The following NRXN1 variants were observed in gnomAD, a reference collection of about 807,000 sequenced individuals.
NRXN1 encodes the protein neurexin-1.
In NRXN1, 39 loss-of-function variants were observed where a neutral mutation model predicts 150.9. That is an observed-to-expected ratio of 0.26 (90% CI 0.20 to 0.34). The LOEUF is 0.34. Among genes scored for constraint, NRXN1 ranks in the 10% least tolerant of loss-of-function variants. The probability of loss-of-function intolerance (pLI) is 1.00; values close to 1 mark genes in which losing one functional copy is unlikely to be tolerated. For missense variants in NRXN1, 1,815 were observed against 1,949.9 expected, an observed-to-expected ratio of 0.93 and a Z score of 1.30; for synonymous variants, 924 against 757.0, an observed-to-expected ratio of 1.22 and a Z score of -3.62.
chr2:50,972,743 G>A (rs953441497), intron 2 of NRXN1, among the ~76,000 whole-genome samples: 1 of 151,924 alleles, frequency 6.6e-6, no homozygotes, highest in African/African-American at 2.4e-5. Flanking sequence ...GTCATCACAG[G>A]GTTTGCGCTC....
chr2:50,053,447 T>C lies in NRXN1; in HGVS notation c.3952A>G (p.Ile1318Val), dbSNP rs1407260529. Residue 1318 changes from isoleucine (I) to valine (V), a missense_variant, in exon 21 of 23, where the codon ATC (isoleucine) becomes GTC (valine). This residue lies in a region of NRXN1 where 265 missense variants were observed against 307.1 expected (regional missense o/e 0.86). Transcript: ENST00000401669. ...AGTCTCACATTTCCCACTATGGCGA[T>C]GTTGGCATCGTTTTCGGCTGCCATA... The part of the protein sequence containing the change: ...LNMAAENDAN[I>V]AIVGNVRLVG... The C allele has an allele frequency of 5.6e-6, 9 of 1,614,082 alleles. No homozygotes were observed. The highest frequency in any genetic ancestry group is 1.6e-4 in the Middle Eastern group (1 of 6,062).
At chr2:50,674,979 C>A (rs1330278106) in intron 5 of NRXN1, among the ~76,000 whole-genome samples, 2 of 151,642 alleles carry the variant, frequency 1.3e-5, no homozygotes, top group Non-Finnish European at 2.9e-5. Flanking sequence ...GTCATGAGGG[C>A]AGATGATCCC....
intron 12 of NRXN1, among the ~76,000 whole-genome samples, chr2:50,518,247 T>C (rs2092684606): frequency 6.6e-5 from 10 of 152,072 alleles, no homozygotes; most frequent in African/African-American, 2.4e-5. Context: ...AAATCTAATC[T>C]AGCTCAACTG....
chr2:50,662,622 T>C (rs1687459955), intron 5 of NRXN1, among the ~76,000 whole-genome samples: 2 of 151,990 alleles, frequency 1.3e-5, no homozygotes, highest in African/African-American at 4.8e-5. Context: ...TTTTTTGTTG[T>C]TGTTAGTATA....
chr2:51,016,977 C>A (rs1437843000), intron 2 of NRXN1, among the ~76,000 whole-genome samples: 1 of 152,002 alleles, frequency 6.6e-6, no homozygotes, highest in African/African-American at 2.4e-5. Flanking sequence ...AGCTGGAAAC[C>A]ATTGTTCTCA....
chr2:50,604,983 C>A (rs780789363), intron 8 of NRXN1, among the ~76,000 whole-genome samples: 2 of 152,174 alleles, frequency 1.3e-5, no homozygotes, highest in African/African-American at 2.4e-5. Flanking sequence ...ATAACTAGCA[C>A]CATTACATAC....
chr2:50,620,218 A>C, intron 7 of NRXN1, 35 bp from the exon 8 acceptor site: 1 of 1,606,322 alleles, frequency 6.2e-7, no homozygotes, highest in Non-Finnish European at 8.5e-7. Flanking sequence ...GACACGCTAT[A>C]CTCAGACCTA....
intron 17 of NRXN1, among the ~76,000 whole-genome samples, chr2:50,452,879 T>G (rs543213273): frequency 6.6e-6 from 1 of 152,192 alleles, no homozygotes; most frequent in Non-Finnish European, 1.5e-5. Flanking sequence ...ACACTTGGAT[T>G]TGGTCATTCT....
In NRXN1 at chr2:51,027,777, G is replaced by A. The variant is rs752469666; in HGVS notation, c.497C>T (p.Ala166Val). ...GGLPPELRAA[A>V]LKLTLASVRE... Reference sequence around the variant, plus strand: ...CACCGAGGCCAGGGTGAGCTTGAGCGCCGCGGCGCGCAGTTCCGGGGGCAG... The same window carrying A: ...CACCGAGGCCAGGGTGAGCTTGAGCACCGCGGCGCGCAGTTCCGGGGGCAG... The change falls in exon 2 of 23, where the codon GCG (alanine) becomes GTG (valine). Residue 166 changes from alanine to valine, a missense_variant. Physicochemically the swap from Ala to Val is moderately conservative, Grantham distance 64. Transcript: ENST00000401669. 3.1e-6 allele frequency: 5 copies of A among 1,612,414 alleles called. No homozygotes were observed. The Admixed American group carries it at 5.0e-5, about 16-fold the overall frequency.
At chr2:50,400,503 C>A (rs547944075) in intron 17 of NRXN1, among the ~76,000 whole-genome samples, 2 of 152,090 alleles carry the variant, frequency 1.3e-5, no homozygotes, top group African/African-American at 2.4e-5. Flanking sequence ...TAAAGAAAAA[C>A]TAGCTTAAAT....
rs77849323 is a variant in NRXN1 at position 50,798,582 on chromosome 2, G to A, written c.832+123287C>T. On this transcript the variant is annotated intron_variant, in intron 5 of 22. Transcript: ENST00000401669. Reference sequence around the variant, plus strand: ...AAAGAAAATAAGAAAGCTTTAGGAGGCAAATTTAAAGAAGGAGAACATTCT... The same window carrying A: ...AAAGAAAATAAGAAAGCTTTAGGAGACAAATTTAAAGAAGGAGAACATTCT... Among the ~76,000 whole-genome samples, 1,228 of 152,146 alleles carry A rather than the reference G, an allele frequency of 8.1e-3. 43 individuals are homozygous for A. Among genetic ancestry groups the A allele is most frequent in the Admixed American group, 0.056 (848 of 15,262 alleles).
intron 18 of NRXN1, among the ~76,000 whole-genome samples, chr2:50,114,628 T>C (rs1012975615): frequency 2.0e-5 from 3 of 152,100 alleles, no homozygotes; most frequent in African/African-American, 7.2e-5. Context: ...AGTAGGTGAA[T>C]GAATAAATAA....
chr2:50,519,479 T>C (rs369631868), intron 12 of NRXN1, among the ~76,000 whole-genome samples: 1 of 152,002 alleles, frequency 6.6e-6, no homozygotes, highest in Non-Finnish European at 1.5e-5. Flanking sequence ...AAAATGGCAA[T>C]TGTCCAACTA....
At chr2:50,841,943 T>C (rs961444183) in intron 5 of NRXN1, among the ~76,000 whole-genome samples, 1 of 152,210 alleles carries the variant, frequency 6.6e-6, no homozygotes, top group African/African-American at 2.4e-5. Flanking sequence ...TGTGTATGCA[T>C]TGACACACCT....
At position 50,991,713 on chromosome 2, in the gene NRXN1, A is replaced by T. The variant is rs560798875; in HGVS notation, c.772+35789T>A. 1.7e-4 allele frequency among the ~76,000 whole-genome samples: 26 copies of T among 152,152 alleles called. No individual in the cohort carries two copies. In the South Asian group the frequency reaches 4.4e-3, roughly 25 times the overall value. ...CTGACATCATGTACTAAATTTCCAG[A>T]AAACAGATTATCTAATATCTTGGGA... On this transcript the variant is annotated intron_variant, in intron 2 of 22. Coordinates refer to ENST00000401669, the MANE Select transcript of NRXN1 (RefSeq NM_001330078.2).
chr2:50,664,658 A>C (rs1201189645), intron 5 of NRXN1, among the ~76,000 whole-genome samples: 1 of 151,856 alleles, frequency 6.6e-6, no homozygotes, highest in African/African-American at 2.4e-5. Context: ...AAAGCTAGCT[A>C]GCTCATCTCA....
intron 5 of NRXN1, among the ~76,000 whole-genome samples, chr2:50,891,974 C>G (rs939623044): frequency 6.6e-6 from 1 of 152,062 alleles, no homozygotes; most frequent in Admixed American, 6.6e-5. Flanking sequence ...AGACAAAAAT[C>G]CCTGTACTTA....
chr2:50,759,841 TG>T (rs1358204424), intron 5 of NRXN1, among the ~76,000 whole-genome samples: 8 of 138,964 alleles, frequency 5.8e-5, no homozygotes, highest in Non-Finnish European at 1.1e-4. Flanking sequence ...TGTGTGTGTG[TG>T]TGTGTGTGTG....
intron 10 of NRXN1, among the ~76,000 whole-genome samples, chr2:50,532,153 T>C (rs2093133165): frequency 6.6e-6 from 1 of 151,986 alleles, no homozygotes; most frequent in Admixed American, 6.6e-5. Flanking sequence ...TCAATGCATG[T>C]TTATGTATGG....
Sources: gnomAD v4.1 joint callset for allele counts (sites outside exome capture counted in the v4.1 genomes callset) on GRCh38, gnomAD v4.1.1 for gene constraint, gnomAD v4.1.1 regional missense constraint, MANE v1.5 for transcripts, NCBI Gene and HGNC (gene_info 2026-07-23, HGNC 2026-07-21) for gene names.